Variants in DNASE2 observed in about 807,000 individuals in gnomAD.
DNASE2 encodes deoxyribonuclease 2, lysosomal.
Under a neutral mutation model 29.8 loss-of-function variants are expected in DNASE2, and 26 were observed. The ratio of observed to expected loss-of-function variants is 0.87; its 90% CI spans 0.64 to 1.21. The LOEUF (loss-of-function observed/expected upper bound fraction) is 1.21. Among genes scored for constraint, DNASE2 ranks in the 50% most tolerant of loss-of-function variants. The pLI is 0.00. For missense variants in DNASE2, 415 were observed against 455.6 expected (o/e 0.91, Z 0.81); for synonymous variants, 186 against 193.5 (o/e 0.96, Z 0.32).
Position 12,878,458 on chromosome 19 carries a change from C to A in DNASE2, c.633G>T (p.Trp211Cys). 6.2e-7 allele frequency: 1 copy of A among 1,613,928 alleles called. No individual in the cohort carries two copies. The highest frequency in any genetic ancestry group is 8.5e-7 in the Non-Finnish European group (1 of 1,180,042). The change falls in exon 5 of 6, where the codon TGG becomes TGT. Residue 211 changes from tryptophan to cysteine, a missense_variant. Coordinates refer to ENST00000222219, the MANE Select transcript of DNASE2 (RefSeq NM_001375.3). ...GGGATGTGAGTGTGATGCTGCTGTT[C>A]CAGGGTTCTTGGCTAACGTGGTGGC... is the stretch of plus-strand genomic sequence containing the variant. ...VKGHHVSQEPWNSSITLTSQA... is the reference protein window; with the variant it reads ...VKGHHVSQEPCNSSITLTSQA...
At chr19:12,880,230 C>T (rs915729804) in intron 3 of DNASE2, among the ~76,000 whole-genome samples, 2 of 151,770 alleles carry the variant, frequency 1.3e-5, no homozygotes, top group African/African-American at 4.8e-5. Context: ...TGTGATACTG[C>T]ACTCCAGCCT....
chr19:12,881,360 G>A lies in DNASE2; in HGVS notation c.16C>T (p.Leu6=). ...GCGGGGACGCACAGCAGCGCTGCCA[G>A]CAGCAGCGGGATCATAGCTGCTATG... MIPLL[L]AALLCVPAGA... Residue 6 remains leucine, a synonymous_variant, in exon 1 of 6, where the codon CTG becomes TTG. Transcript: ENST00000222219. 6.4e-7 allele frequency: 1 copy of A among 1,561,380 alleles called. No homozygotes were observed. Among genetic ancestry groups the A allele is most frequent in the Non-Finnish European group, 8.7e-7 (1 of 1,153,860 alleles).
intron 5 of DNASE2, among the ~76,000 whole-genome samples, chr19:12,877,413 T>G (rs1480928450): frequency 6.6e-6 from 1 of 151,142 alleles, no homozygotes; most frequent in African/African-American, 2.4e-5. Flanking sequence ...CTAATTAAAA[T>G]TTTTTTTGTA....
At chr19:12,879,860 T>G (rs973930975) in intron 3 of DNASE2, among the ~76,000 whole-genome samples, 2 of 152,000 alleles carry the variant, frequency 1.3e-5, no homozygotes, top group African/African-American at 4.8e-5. Context: ...TCCCAGCACT[T>G]TGGGAGGCCA....
chr19:12,881,050 G>A lies in DNASE2; in HGVS notation c.189C>T (p.Asp63=), dbSNP rs752151244. ...YLDESSGGWR[D]GRALINSPEG... is the part of the protein sequence containing the mutation. ...CCGGGCTGTTGATGAGTGCCCTGCC[G>A]TCCCGCCAGCCTCCGGAGCTCTCGT... The change falls in exon 2 of 6, where the codon GAC becomes GAT. Residue 63 remains aspartate (D), a synonymous_variant. Coordinates refer to ENST00000222219, the MANE Select transcript of DNASE2 (RefSeq NM_001375.3). 9.3e-6 allele frequency: 15 copies of A among 1,613,068 alleles called. No individual in the cohort carries two copies. The highest frequency in any genetic ancestry group is 1.2e-5 in the Non-Finnish European group (14 of 1,180,000).
chr19:12,878,267 G>A, intron 5 of DNASE2, 115 bp downstream of exon 5: 2 of 1,350,764 alleles, frequency 1.5e-6, no homozygotes, highest in Non-Finnish European at 2.1e-6. Flanking sequence ...CTGATCATGT[G>A]ATTATAGCTC....
intron 3 of DNASE2, 131 bp downstream of exon 3, chr19:12,880,671 A>G: frequency 7.7e-7 from 1 of 1,303,998 alleles, no homozygotes; most frequent in Admixed American, 2.0e-5. Context: ...AAACAAAGAA[A>G]AAAAAAAGTT....
intron 3 of DNASE2, among the ~76,000 whole-genome samples, chr19:12,879,746 G>A (rs1300990913): frequency 6.6e-6 from 1 of 152,138 alleles, no homozygotes. Context: ...CAAGGTGGGT[G>A]GATTGCTTGA....
At chr19:12,880,713 C>T in intron 3 of DNASE2, 89 bp downstream of exon 3, 2 of 1,547,364 alleles carry the variant, frequency 1.3e-6, no homozygotes, top group Non-Finnish European at 1.8e-6. Context: ...TCTGACAGTG[C>T]AGATCTCCCC....
Position 12,881,040 on chromosome 19 carries a change from G to C in DNASE2, c.199C>G (p.Leu67Val), listed in dbSNP as rs1970374106. Residue 67 changes from leucine (L) to valine (V), a missense_variant, in exon 2 of 6, where the codon CTC becomes GTC. Physicochemically the swap from Leu to Val is conservative, Grantham distance 32. Transcript: ENST00000222219. ...SSGGWRDGRA[L>V]INSPEGAVGR... is the part of the protein sequence containing the mutation. ...ACGGCCCCCTCCGGGCTGTTGATGA[G>C]TGCCCTGCCGTCCCGCCAGCCTCCG... 4 of 1,613,520 alleles carry C rather than the reference G, an allele frequency of 2.5e-6. No homozygotes were observed. In the East Asian group the frequency reaches 8.9e-5, roughly 36 times the overall value.
Position 12,875,883 on chromosome 19 carries a change from A to C in DNASE2, c.*107T>G. On this transcript the variant is annotated 3_prime_UTR_variant, in exon 6 of 6. Coordinates refer to ENST00000222219, the MANE Select transcript of DNASE2 (RefSeq NM_001375.3). ...GTTCTAGTAGAGATGTGGTCTCACTATGTAGCCCAGGCTGGTCTCGAATTC... is the reference window on the plus strand; with the variant it reads ...GTTCTAGTAGAGATGTGGTCTCACTCTGTAGCCCAGGCTGGTCTCGAATTC... The C allele has an allele frequency of 6.9e-7, 1 of 1,448,200 alleles. No homozygotes were observed. The highest frequency in any genetic ancestry group is 9.4e-7 in the Non-Finnish European group (1 of 1,059,878). 89.7% of individuals were successfully genotyped at this position (1,448,200 alleles called of 1,614,324 possible).
intron 3 of DNASE2, among the ~76,000 whole-genome samples, chr19:12,880,322 C>T (rs1470533593): frequency 6.6e-6 from 1 of 151,034 alleles, no homozygotes; most frequent in African/African-American, 2.4e-5. Context: ...AGATCTCCCA[C>T]CCCACTATGG....
rs1316736836 is a variant in DNASE2 at position 12,878,810 on chromosome 19, C to T, written c.371G>A (p.Gly124Glu). The stretch of plus-strand genomic sequence containing the variant: ...TACACTGTGGACCAGCCAGAAGCCC[C>T]CATCGTGGTCAAGGAGCAGGACACC... ...TKGVLLLDHD[G>E]GFWLVHSVPN... Residue 124 changes from glycine (G) to glutamate (E), a missense_variant, in exon 4 of 6, where the codon GGG becomes GAG. By Grantham distance (98) the Gly-to-Glu change is moderately conservative. Coordinates refer to ENST00000222219, the MANE Select transcript of DNASE2 (RefSeq NM_001375.3). 1 of 1,613,434 alleles carries T rather than the reference C, an allele frequency of 6.2e-7. No individual in the cohort carries two copies. The highest frequency in any genetic ancestry group is 1.7e-5 in the Admixed American group (1 of 59,938).
intron 3 of DNASE2, among the ~76,000 whole-genome samples, chr19:12,880,087 GGA>G (rs1970362669): frequency 8.1e-6 from 1 of 124,154 alleles, no homozygotes; most frequent in Non-Finnish European, 1.6e-5. Flanking sequence ...CCTGGGTGAT[GGA>G]GAGAGAGTGC....
At position 12,878,788 on chromosome 19, in the gene DNASE2, A is replaced by G. The variant is rs751680668; in HGVS notation, c.393T>C (p.Ser131=). 2.4e-5 allele frequency: 38 copies of G among 1,613,808 alleles called. No homozygotes were observed. Among genetic ancestry groups the G allele is most frequent in the South Asian group, 2.3e-4 (21 of 91,074 alleles). Residue 131 remains serine, a synonymous_variant, in exon 4 of 6, where the codon AGT becomes AGC. Transcript: ENST00000222219. ...AGGCCGGTGGAGGGAAGTTAGGTAC[A>G]CTGTGGACCAGCCAGAAGCCCCCAT... ...DHDGGFWLVH[S]VPNFPPPASS...
chr19:12,880,653 C>A, intron 3 of DNASE2, 149 bp downstream of exon 3: 1 of 1,031,794 alleles, frequency 9.7e-7, no homozygotes, highest in African/African-American at 1.6e-5. Context: ...GAACTCCCAC[C>A]GTCTCAAAAA....
rs892245324 is a variant in DNASE2 at position 12,879,190 on chromosome 19, A to G, written c.347-356T>C. ...AATAAATAAATAAATAAATAAATAAATAAAAATTTAAAAAAAGAAGGCAGG... is the reference window on the plus strand; with the variant it reads ...AATAAATAAATAAATAAATAAATAAGTAAAAATTTAAAAAAAGAAGGCAGG... On this transcript the variant is annotated intron_variant, in intron 3 of 5. Transcript: ENST00000222219. Among the ~76,000 whole-genome samples the G allele has an allele frequency of 6.9e-4, 104 of 150,930 alleles. 1 individual carries two copies. The highest frequency in any genetic ancestry group is 1.0e-4 in the Non-Finnish European group (7 of 67,776).
In DNASE2 at chr19:12,876,170, G is replaced by A. The variant is rs768963775; in HGVS notation, c.903C>T (p.Ser301=). The A allele has an allele frequency of 5.6e-6, 9 of 1,614,200 alleles. No homozygotes were observed. In the East Asian group the frequency reaches 2.0e-4, roughly 36 times the overall value. The change falls in exon 6 of 6, where the codon TCC becomes TCT. Residue 301 remains serine (S), a synonymous_variant. Coordinates refer to ENST00000222219, the MANE Select transcript of DNASE2 (RefSeq NM_001375.3). The stretch of plus-strand genomic sequence containing the variant: ...CCACGCAGGTCCAGGGCCCTTTTGG[G>A]GACACGCACCATTTGGAGTGGTCCT... ...STEDHSKWCV[S]PKGPWTCVGD...
Position 12,875,240 on chromosome 19 carries a change from A to G in DNASE2, c.*750T>C. The G allele has an allele frequency of 3.3e-6, 1 of 299,596 alleles. No individual in the cohort carries two copies. The highest frequency in any genetic ancestry group is 3.8e-5 in the South Asian group (1 of 26,144). 18.6% of individuals were successfully genotyped at this position (299,596 alleles called of 1,614,324 possible). A position where few individuals can be genotyped will look rare whatever the true frequency, so the allele number is the denominator to read the frequency against. ...AATTTCCATTTATTTACTCCTCAAC[A>G]ATCCTGATGGCAGGTATTATGTTTC... is the stretch of plus-strand genomic sequence containing the variant. On this transcript the variant is annotated 3_prime_UTR_variant, in exon 6 of 6. Coordinates refer to ENST00000222219, the MANE Select transcript of DNASE2 (RefSeq NM_001375.3).
Sources: allele counts gnomAD v4.1 joint callset (sites outside exome capture counted in the v4.1 genomes callset), GRCh38; gene constraint gnomAD v4.1.1; transcripts MANE v1.5; gene names NCBI Gene and HGNC (gene_info 2026-07-23, HGNC 2026-07-21).